The following SENP6 variants were observed in gnomAD, a reference collection of about 807,000 sequenced individuals.
The protein encoded by SENP6 is SUMO specific peptidase 6, also known as sentrin-specific protease 6.
A neutral mutation model predicts 134.5 loss-of-function variants in SENP6; 41 were observed. The ratio of observed to expected loss-of-function variants is 0.30; its 90% CI spans 0.24 to 0.40. The LOEUF is 0.40. Ranked by LOEUF, SENP6 falls within the 10% of genes least tolerant of loss-of-function variation. The probability of loss-of-function intolerance (pLI) is 1.00; values close to 1 mark genes in which losing one functional copy is unlikely to be tolerated. For missense variants in SENP6, 1,248 were observed against 1,312.5 expected (o/e 0.95, Z 0.76); for synonymous variants, 395 against 429.8 (o/e 0.92, Z 1.00).
At chr6:75,650,117 TAATG>T (rs1770757447) in intron 7 of SENP6, among the ~76,000 whole-genome samples, 1 of 152,232 alleles carries the variant, frequency 6.6e-6, no homozygotes, top group African/African-American at 2.4e-5. Flanking sequence ...TTGCTTTGTA[TAATG>T]CCTCTCAATT....
At chr6:75,694,809 A>G (rs1460802529) in intron 16 of SENP6, among the ~76,000 whole-genome samples, 2 of 152,116 alleles carry the variant, frequency 1.3e-5, no homozygotes, top group Non-Finnish European at 2.9e-5. Context: ...CTTTTGGGCT[A>G]TTATGAATAA....
At chr6:75,696,031 A>G (rs1774637433) in intron 17 of SENP6, 108 bp downstream of exon 17, 4 of 1,000,644 alleles carry the variant, frequency 4.0e-6, no homozygotes, top group African/African-American at 1.7e-5. Flanking sequence ...TCTCTTGCTT[A>G]CTTTTTAAAT....
chr6:75,664,251 C>A (rs1279276222), intron 9 of SENP6, among the ~76,000 whole-genome samples: 1 of 150,930 alleles, frequency 6.6e-6, no homozygotes, highest in Middle Eastern at 3.2e-3. Flanking sequence ...TATAGTAGGA[C>A]CCTGTTGCTA....
rs138847627 is a variant in SENP6, at chr6:75,695,231, C to T, written c.2076-573C>T. Among the ~76,000 whole-genome samples, 80 of 152,284 alleles carry T rather than the reference C, an allele frequency of 5.3e-4. 1 individual carries two copies. Among genetic ancestry groups the T allele is most frequent in the Middle Eastern group, 3.4e-3 (1 of 294 alleles). ...ACAGAGTCTCACTCTGTTTCTCAGG[C>T]TGGAGTGCAGTGGCTCAATTTCAGC... On this transcript the variant is annotated intron_variant, in intron 16 of 23. Coordinates refer to ENST00000447266, the MANE Select transcript of SENP6 (RefSeq NM_015571.4).
chr6:75,649,675 C>T (rs942387922), intron 7 of SENP6, among the ~76,000 whole-genome samples: 1 of 152,078 alleles, frequency 6.6e-6, no homozygotes, highest in African/African-American at 2.4e-5. Context: ...TGCCACCAAG[C>T]CCAGCTAATT....
Position 75,709,155 on chromosome 6 carries a change from T to C in SENP6, c.2717-372T>C, listed in dbSNP as rs559776825. ...GACATGCTGTTTCTGTTATTGGACA[T>C]AGGTTATTTTCAGACTGTCATAGCT... is the stretch of plus-strand genomic sequence containing the variant. On this transcript the variant is annotated intron_variant, in intron 19 of 23. Transcript: ENST00000447266. Among the ~76,000 whole-genome samples, 11 of 152,276 alleles carry C rather than the reference T, an allele frequency of 7.2e-5. No individual in the cohort carries two copies. The South Asian group carries it at 2.3e-3, about 32-fold the overall frequency.
chr6:75,678,636 T>C lies in SENP6; in HGVS notation c.1902T>C (p.Phe634=). ...QLRSKQEFQF[F]DEEEETGENH... ...GAAGCAAACAAGAATTTCAGTTTTT[T>C]GATGAAGAAGAAGAAACTGGAGAAA... Residue 634 remains phenylalanine (F), a synonymous_variant, in exon 15 of 24, where the codon TTT becomes TTC. Transcript: ENST00000447266. 6.2e-7 allele frequency: 1 copy of C among 1,605,212 alleles called. No individual in the cohort carries two copies. Among genetic ancestry groups the C allele is most frequent in the Middle Eastern group, 1.7e-4 (1 of 6,044 alleles).
Position 75,713,710 on chromosome 6 carries a change from G to T in SENP6, c.3014G>T (p.Ser1005Ile). Residue 1005 changes from serine (S) to isoleucine (I), a missense_variant, in exon 23 of 24, where the codon AGC becomes ATC. By Grantham distance (142) the Ser-to-Ile change is moderately radical. Around this residue, in one of 3 missense-constraint regions of SENP6, gnomAD observed 386 missense variants for 395.0 expected, o/e 0.98. Coordinates refer to ENST00000447266, the MANE Select transcript of SENP6 (RefSeq NM_015571.4). ...LEVEWEVKKG[S>I]KRSFSKDVMK... ...GTGGAATGGGAAGTTAAAAAAGGAA[G>T]CAAAAGAAGTTTTTCCAAAGATGTT... The T allele has an allele frequency of 6.2e-7, 1 of 1,612,714 alleles. No homozygotes were observed. Among genetic ancestry groups the T allele is most frequent in the Non-Finnish European group, 8.5e-7 (1 of 1,179,188 alleles).
intron 8 of SENP6, among the ~76,000 whole-genome samples, chr6:75,659,840 G>A (rs1275703399): frequency 3.3e-5 from 5 of 152,006 alleles, no homozygotes; most frequent in Admixed American, 2.6e-4. Flanking sequence ...TGTACTATTT[G>A]AGTTGAAGTT....
At chr6:75,618,396 G>C (rs1262576834) in intron 1 of SENP6, among the ~76,000 whole-genome samples, 1 of 151,858 alleles carries the variant, frequency 6.6e-6, no homozygotes, top group African/African-American at 2.4e-5. Flanking sequence ...CTTTCAAGTT[G>C]GCTTCTGTAA....
intron 10 of SENP6, among the ~76,000 whole-genome samples, chr6:75,667,589 C>G (rs1212646893): frequency 1.3e-5 from 2 of 152,052 alleles, no homozygotes; most frequent in South Asian, 2.1e-4. Flanking sequence ...GTGCTGTTGT[C>G]AAGAATCCAA....
In SENP6 at chr6:75,709,623, A is replaced by G. The variant is rs1489949461; in HGVS notation, c.2813A>G (p.Asp938Gly). The G allele has an allele frequency of 6.2e-7, 1 of 1,612,458 alleles. No individual in the cohort carries two copies. The highest frequency in any genetic ancestry group is 8.5e-7 in the Non-Finnish European group (1 of 1,178,702). Reference sequence around the variant, plus strand: ...CTCGTCGACTTCTCAGAAGATCAGGATAACCAGGTAAAACTTAATGCTTGG... The same window carrying G: ...CTCGTCGACTTCTCAGAAGATCAGGGTAACCAGGTAAAACTTAATGCTTGG... ...DELVDFSEDQ[D>G]NQDDSSDDGF... The change falls in exon 20 of 24, where the codon GAT becomes GGT. Residue 938 changes from aspartate to glycine, a missense_variant. Around this residue, in one of 3 missense-constraint regions of SENP6, gnomAD observed 386 missense variants for 395.0 expected, o/e 0.98. Coordinates refer to ENST00000447266, the MANE Select transcript of SENP6 (RefSeq NM_015571.4).
At chr6:75,650,206 G>A (rs77429624) in intron 7 of SENP6, among the ~76,000 whole-genome samples, 86 of 152,266 alleles carry the variant, frequency 5.6e-4, no homozygotes, top group African/African-American at 2.0e-3. Context: ...TGATGTTGTG[G>A]CATTCTCAGT....
rs1048683207 is a variant in SENP6 at position 75,627,544 on chromosome 6, G to A, written c.207+3584G>A. ...CTTGGTAGGATGAAGCGGGAGGATC[G>A]TTCGAAGCCAGGAGTTTGAGATCAG... On this transcript the variant is annotated intron_variant, in intron 3 of 23. Transcript: ENST00000447266. Among the ~76,000 whole-genome samples, 25 of 152,208 alleles carry A rather than the reference G, an allele frequency of 1.6e-4. 1 individual carries two copies. The highest frequency in any genetic ancestry group is 3.4e-3 in the Middle Eastern group (1 of 294).
At chr6:75,681,985 G>A (rs550962578) in intron 16 of SENP6, among the ~76,000 whole-genome samples, 2 of 152,164 alleles carry the variant, frequency 1.3e-5, no homozygotes, top group East Asian at 3.9e-4. Flanking sequence ...AAAGACAGAG[G>A]AAAGAATCAG....
At chr6:75,674,809 AAG>A (rs1466813995) in intron 11 of SENP6, among the ~76,000 whole-genome samples, 3 of 152,186 alleles carry the variant, frequency 2.0e-5, no homozygotes, top group Non-Finnish European at 4.4e-5. Context: ...GAAAAGTTGA[AAG>A]ACTTTTGCAG....
intron 16 of SENP6, among the ~76,000 whole-genome samples, chr6:75,683,148 C>G (rs1773581334): frequency 6.6e-6 from 1 of 152,202 alleles, no homozygotes; most frequent in Admixed American, 6.5e-5. Flanking sequence ...TTGCATTTCT[C>G]TGATGACCAG....
At chr6:75,616,736 A>C (rs1767876812) in intron 1 of SENP6, among the ~76,000 whole-genome samples, 1 of 138,200 alleles carries the variant, frequency 7.2e-6, no homozygotes, top group South Asian at 2.3e-4. Flanking sequence ...ACAGAGCAAG[A>C]CTCCATCTCA....
At chr6:75,622,741 A>G in intron 2 of SENP6, 1 of 1,262,846 alleles carries the variant, frequency 7.9e-7, no homozygotes, top group Non-Finnish European at 1.0e-6. Context: ...ATATTGGCTA[A>G]ATATTGTAGG....
Sources: gnomAD v4.1 joint callset for allele counts (sites outside exome capture counted in the v4.1 genomes callset) on GRCh38, gnomAD v4.1.1 for gene constraint, gnomAD v4.1.1 regional missense constraint, MANE v1.5 for transcripts, NCBI Gene and HGNC (gene_info 2026-07-23, HGNC 2026-07-21) for gene names.